NELL2: variants seen among roughly 807,000 people sequenced by gnomAD.
The protein encoded by NELL2 is neural EGFL like 2, also known as protein kinase C-binding protein NELL2.
A neutral mutation model predicts 109.6 loss-of-function variants in NELL2; 41 were observed. The observed-to-expected ratio is 0.37, with a 90% CI of 0.29 to 0.49. The LOEUF (loss-of-function observed/expected upper bound fraction) is 0.49. Ranked by LOEUF, NELL2 falls within the 20% of genes least tolerant of loss-of-function variation. The pLI is 0.98. For synonymous variants in NELL2, 355 were observed against 344.7 expected (o/e 1.03, Z -0.33); for missense variants, 900 against 1,008.3 (o/e 0.89, Z 1.45).
intron 16 of NELL2, among the ~76,000 whole-genome samples, chr12:44,526,145 C>CAA (rs200419459): frequency 6.8e-6 from 1 of 147,200 alleles, no homozygotes; most frequent in Non-Finnish European, 1.5e-5. Flanking sequence ...TAGAGAAATG[C>CAA]AAAAAAAAAA....
At chr12:44,591,747 G>T (rs1454561873) in intron 15 of NELL2, among the ~76,000 whole-genome samples, 2 of 152,140 alleles carry the variant, frequency 1.3e-5, no homozygotes, top group South Asian at 2.1e-4. Context: ...TTTTCAAATA[G>T]CTAGAAGAAA....
In NELL2 at chr12:44,762,574, C is replaced by T. The variant is rs540903029; in HGVS notation, c.994+12173G>A. The stretch of plus-strand genomic sequence containing the variant: ...AATAATAAAACTCCTTAATTTAACG[C>T]CATCCTACCTCTTCAGCTGAAACTC... On this transcript the variant is annotated intron_variant, in intron 9 of 19. Coordinates refer to ENST00000429094, the MANE Select transcript of NELL2 (RefSeq NM_001145108.2). 9.8e-5 allele frequency among the ~76,000 whole-genome samples: 15 copies of T among 152,326 alleles called. No homozygotes were observed. In the South Asian group the frequency reaches 3.1e-3, roughly 32 times the overall value.
intron 12 of NELL2, among the ~76,000 whole-genome samples, chr12:44,686,964 C>A (rs61932405): frequency 0.13 from 19,341 of 152,230 alleles, 1,455 homozygotes; most frequent in East Asian, 0.21. Context: ...TTCCCTGCTG[C>A]TTTGTTTACC....
chr12:44,790,656 T>A (rs547763320), intron 3 of NELL2, among the ~76,000 whole-genome samples: 14 of 151,542 alleles, frequency 9.2e-5, no homozygotes, highest in East Asian at 1.9e-4. Flanking sequence ...CAACGGCACC[T>A]CACATTTCAA....
intron 12 of NELL2, among the ~76,000 whole-genome samples, chr12:44,679,733 C>T (rs1373410395): frequency 6.6e-6 from 1 of 152,094 alleles, no homozygotes; most frequent in Non-Finnish European, 1.5e-5. Context: ...GGATATAAGC[C>T]TCCTGTTGTA....
intron 13 of NELL2, among the ~76,000 whole-genome samples, chr12:44,621,370 G>C (rs969391020): frequency 1.3e-5 from 2 of 152,098 alleles, no homozygotes; most frequent in African/African-American, 4.8e-5. Context: ...TTGGAGTCAG[G>C]CTGCCTCAGC....
At chr12:44,660,099 A>G (rs897879680) in intron 13 of NELL2, among the ~76,000 whole-genome samples, 1 of 152,220 alleles carries the variant, frequency 6.6e-6, no homozygotes, top group Non-Finnish European at 1.5e-5. Flanking sequence ...GACTTAAAAC[A>G]GGGTCCTTTT....
Position 44,803,728 on chromosome 12 carries a change from T to A in NELL2, c.335+12258A>T, listed in dbSNP as rs531473407. Among the ~76,000 whole-genome samples the A allele has an allele frequency of 6.6e-4, 100 of 151,980 alleles. 1 individual carries two copies. In the South Asian group the frequency reaches 0.02, roughly 30 times the overall value. ...CGTTCTTACAAATAAGCAAGAAAAATAGCAAGAGTCTCATTTAAATGAAAA... is the reference window on the plus strand; with the variant it reads ...CGTTCTTACAAATAAGCAAGAAAAAAAGCAAGAGTCTCATTTAAATGAAAA... On this transcript the variant is annotated intron_variant, in intron 3 of 19. Coordinates refer to ENST00000429094, the MANE Select transcript of NELL2 (RefSeq NM_001145108.2).
intron 15 of NELL2, among the ~76,000 whole-genome samples, chr12:44,583,292 CT>C (rs1241461996): frequency 1.3e-5 from 2 of 152,162 alleles, no homozygotes; most frequent in Non-Finnish European, 2.9e-5. Flanking sequence ...AAAGGCTTCC[CT>C]AACCACTAAT....
chr12:44,593,824 T>C (rs1944852641), intron 15 of NELL2, among the ~76,000 whole-genome samples: 1 of 152,204 alleles, frequency 6.6e-6, no homozygotes. Context: ...AGCTTTGTTC[T>C]TTTTGCTTAG....
intron 2 of NELL2, among the ~76,000 whole-genome samples, chr12:44,839,682 T>C (rs1434135575): frequency 1.3e-5 from 2 of 152,252 alleles, no homozygotes; most frequent in East Asian, 1.9e-4. Context: ...AAGTGTTCGC[T>C]TGAGGGCTAT....
intron 8 of NELL2, 86 bp from the exon 9 acceptor site, chr12:44,774,935 A>G: frequency 9.9e-7 from 1 of 1,009,058 alleles, no homozygotes; most frequent in Non-Finnish European, 1.5e-6. Flanking sequence ...TAAATTTTAA[A>G]CTCTTCATGT....
At chr12:44,709,088 G>C (rs894432361) in intron 11 of NELL2, among the ~76,000 whole-genome samples, 1 of 151,882 alleles carries the variant, frequency 6.6e-6, no homozygotes, top group Non-Finnish European at 1.5e-5. Context: ...TAACTTCTAC[G>C]CTATTCATCT....
chr12:44,824,141 A>G (rs1943628550), intron 2 of NELL2, among the ~76,000 whole-genome samples: 5 of 152,200 alleles, frequency 3.3e-5, no homozygotes. Flanking sequence ...ATATTAGACA[A>G]TGTGCTAGGT....
intron 9 of NELL2, among the ~76,000 whole-genome samples, chr12:44,718,020 A>G (rs541867777): frequency 2.7e-4 from 41 of 152,342 alleles, no homozygotes; most frequent in African/African-American, 9.9e-4. Flanking sequence ...GTTTACCAGG[A>G]TAGCTTGCTC....
At chr12:44,713,207 C>G (rs1479877247) in intron 10 of NELL2, among the ~76,000 whole-genome samples, 13 of 145,326 alleles carry the variant, frequency 8.9e-5, no homozygotes, top group African/African-American at 3.1e-4. Context: ...CACACACACA[C>G]ACACACACAG....
intron 16 of NELL2, among the ~76,000 whole-genome samples, chr12:44,528,310 T>C (rs1050404911): frequency 3.3e-5 from 5 of 152,070 alleles, no homozygotes; most frequent in African/African-American, 1.2e-4. Context: ...CCTATGAAGA[T>C]GAATCCTCTA....
chr12:44,546,806 T>C (rs143014199), intron 15 of NELL2, among the ~76,000 whole-genome samples: 3 of 152,186 alleles, frequency 2.0e-5, no homozygotes, highest in Admixed American at 6.5e-5. Flanking sequence ...TATTTGATCT[T>C]ACAGACTCAG....
upstream of NELL2, among the ~76,000 whole-genome samples, chr12:44,915,854 A>T (rs1281471829): frequency 6.6e-6 from 1 of 152,200 alleles, no homozygotes; most frequent in East Asian, 1.9e-4. Flanking sequence ...TAATTGTATG[A>T]ATGAAGTTGT....
Sources: gnomAD v4.1 joint callset for allele counts (sites outside exome capture counted in the v4.1 genomes callset) on GRCh38, gnomAD v4.1.1 for gene constraint, MANE v1.5 for transcripts, NCBI Gene and HGNC (gene_info 2026-07-23, HGNC 2026-07-21) for gene names.